Variants in FIGN observed in about 807,000 individuals in gnomAD.
FIGN encodes fidgetin.
In FIGN, 11 loss-of-function variants were observed where a neutral mutation model predicts 51.3. The ratio of observed to expected loss-of-function variants is 0.21; its 90% CI spans 0.13 to 0.35. The LOEUF (loss-of-function observed/expected upper bound fraction) is 0.35, where lower values mean the gene tolerates loss of function less well. Among genes scored for constraint, FIGN ranks in the 10% least tolerant of loss-of-function variants. The pLI, the probability that FIGN is intolerant of heterozygous loss-of-function variation, is 1.00. For synonymous variants in FIGN, 407 were observed against 363.2 expected (o/e 1.12, Z -1.37); for missense variants, 857 against 943.6 (o/e 0.91, Z 1.20).
At chr2:163,699,472 T>C (rs1684374253) in intron 2 of FIGN, among the ~76,000 whole-genome samples, 2 of 148,600 alleles carry the variant, frequency 1.3e-5, no homozygotes, top group African/African-American at 4.9e-5. Flanking sequence ...ATATTACAAT[T>C]TTAGGTTAGT....
At chr2:163,620,895 C>T (rs898329454) in intron 2 of FIGN, among the ~76,000 whole-genome samples, 1 of 135,086 alleles carries the variant, frequency 7.4e-6, no homozygotes, top group African/African-American at 2.5e-5. Flanking sequence ...TTTCAACTAT[C>T]TAAATGCAAA....
chr2:163,727,000 T>C (rs924433037), intron 2 of FIGN, among the ~76,000 whole-genome samples: 1 of 152,072 alleles, frequency 6.6e-6, no homozygotes, highest in Non-Finnish European at 1.5e-5. Context: ...ATAATTATCT[T>C]GTAAGATTAA....
chr2:163,662,805 G>T (rs1454361544), intron 2 of FIGN, among the ~76,000 whole-genome samples: 4 of 152,188 alleles, frequency 2.6e-5, no homozygotes, highest in African/African-American at 9.7e-5. Context: ...AATCATGGGG[G>T]CTGGTCTTTG....
chr2:163,669,489 A>G (rs1683842009), intron 2 of FIGN, among the ~76,000 whole-genome samples: 1 of 152,250 alleles, frequency 6.6e-6, no homozygotes, highest in African/African-American at 2.4e-5. Context: ...CATCTTACAT[A>G]TAAATAAGAA....
At chr2:163,644,498 G>C (rs1206221612) in intron 2 of FIGN, among the ~76,000 whole-genome samples, 1 of 152,118 alleles carries the variant, frequency 6.6e-6, no homozygotes, top group Non-Finnish European at 1.5e-5. Context: ...GTGAAGTGCG[G>C]CTACTTTGGT....
At position 163,611,521 on chromosome 2, in the gene FIGN, T is replaced by C. The variant is rs1691260001; in HGVS notation, c.311A>G (p.Asn104Ser). The change falls in exon 3 of 3, where the codon AAT (asparagine) becomes AGT (serine). Residue 104 changes from asparagine to serine, a missense_variant. Asn to Ser is a conservative substitution (Grantham distance 46). Coordinates refer to ENST00000333129, the MANE Select transcript of FIGN (RefSeq NM_018086.4). The part of the protein sequence containing the change: ...TPSGLVNGRK[N>S]ESEPWQPSLN... ...GGAAGGCTGCCAGGGTTCACTTTCA[T>C]TTTTCCGACCGTTCACTAGTCCTGA... The C allele has an allele frequency of 6.2e-7, 1 of 1,614,196 alleles. No individual in the cohort carries two copies. Among genetic ancestry groups the C allele is most frequent in the Non-Finnish European group, 8.5e-7 (1 of 1,180,022 alleles).
intron 2 of FIGN, among the ~76,000 whole-genome samples, chr2:163,691,936 A>G (rs1243286857): frequency 6.6e-6 from 1 of 152,172 alleles, no homozygotes; most frequent in Non-Finnish European, 1.5e-5. Flanking sequence ...CCAAGAAGTG[A>G]AGACCCAGAA....
chr2:163,631,772 G>A (rs1227834934), intron 2 of FIGN, among the ~76,000 whole-genome samples: 3 of 152,160 alleles, frequency 2.0e-5, no homozygotes, highest in African/African-American at 7.2e-5. Flanking sequence ...TTTGTTCGCA[G>A]CTACATCTCC....
chr2:163,651,322 C>T (rs533358492), intron 2 of FIGN, among the ~76,000 whole-genome samples: 3 of 152,134 alleles, frequency 2.0e-5, no homozygotes, highest in East Asian at 1.9e-4. Flanking sequence ...ATTAGCCAGG[C>T]GTGGTGGCAC....
At chr2:163,654,509 C>T (rs560152130) in intron 2 of FIGN, among the ~76,000 whole-genome samples, 1 of 152,190 alleles carries the variant, frequency 6.6e-6, no homozygotes, top group East Asian at 1.9e-4. Flanking sequence ...GAACTCTGAT[C>T]CCACTTTCAT....
chr2:163,620,810 T>G (rs1334611958), intron 2 of FIGN, among the ~76,000 whole-genome samples: 1 of 151,642 alleles, frequency 6.6e-6, no homozygotes, highest in Admixed American at 6.6e-5. Context: ...CCTAAAATGG[T>G]ATACTAACCA....
At chr2:163,699,096 T>C (rs764154017) in intron 2 of FIGN, among the ~76,000 whole-genome samples, 3 of 151,926 alleles carry the variant, frequency 2.0e-5, no homozygotes, top group Non-Finnish European at 4.4e-5. Flanking sequence ...CAGGAATAAA[T>C]GAGGGAAAGC....
intron 2 of FIGN, among the ~76,000 whole-genome samples, chr2:163,666,224 T>C (rs752619298): frequency 2.0e-5 from 3 of 152,128 alleles, no homozygotes; most frequent in Non-Finnish European, 4.4e-5. Context: ...CCCAAGTCAC[T>C]AGGGGTGTCA....
At chr2:163,709,198 C>A (rs552736152) in intron 2 of FIGN, among the ~76,000 whole-genome samples, 1 of 152,054 alleles carries the variant, frequency 6.6e-6, no homozygotes, top group Admixed American at 6.6e-5. Context: ...GTTGTGCAGC[C>A]CAAATTCAAA....
intron 2 of FIGN, among the ~76,000 whole-genome samples, chr2:163,659,157 G>A (rs1158036148): frequency 6.6e-6 from 1 of 152,086 alleles, no homozygotes; most frequent in Non-Finnish European, 1.5e-5. Flanking sequence ...AAGTTCAGAA[G>A]ATTTACTTAA....
At position 163,734,557 on chromosome 2, in the gene FIGN, C is replaced by CAAAAAAAAAAAAAA. The variant is rs34286375; in HGVS notation, c.25+332_25+345dup. ...TCCCCTTTGCCCAGCCTCCCTCCTT[C>CAAAAAAAAAAAAAA]AAAAAAAAAAAAAAAAAAAACCCAC... On this transcript the variant is annotated intron_variant, in intron 2 of 2. Transcript: ENST00000333129. Among the ~76,000 whole-genome samples, 6 of 102,866 alleles carry CAAAAAAAAAAAAAA rather than the reference C, an allele frequency of 5.8e-5. 3 individuals carry two copies. Among genetic ancestry groups the CAAAAAAAAAAAAAA allele is most frequent in the Non-Finnish European group, 1.1e-4 (6 of 54,106 alleles). 67.5% of individuals were successfully genotyped at this position (102,866 alleles called of 152,430 possible). A position where few individuals can be genotyped will look rare whatever the true frequency, so the allele number is the denominator to read the frequency against.
intron 2 of FIGN, among the ~76,000 whole-genome samples, chr2:163,685,936 T>C (rs969625634): frequency 6.6e-6 from 1 of 152,200 alleles, no homozygotes; most frequent in Non-Finnish European, 1.5e-5. Flanking sequence ...AACAATAAAT[T>C]TTTAAAGGCA....
chr2:163,641,036 T>G (rs946858883), intron 2 of FIGN, among the ~76,000 whole-genome samples: 2 of 152,128 alleles, frequency 1.3e-5, no homozygotes, highest in Non-Finnish European at 2.9e-5. Context: ...GGCAGCTGAT[T>G]AGGATGACAC....
chr2:163,718,834 A>C (rs1684710245), intron 2 of FIGN, among the ~76,000 whole-genome samples: 1 of 128,928 alleles, frequency 7.8e-6, no homozygotes, highest in African/African-American at 3.3e-5. Flanking sequence ...TATAAGACAG[A>C]GAGAGTGAGA....
Sources: gnomAD v4.1 joint callset for allele counts (sites outside exome capture counted in the v4.1 genomes callset) on GRCh38, gnomAD v4.1.1 for gene constraint, MANE v1.5 for transcripts, NCBI Gene and HGNC (gene_info 2026-07-23, HGNC 2026-07-21) for gene names.